The following CUX1 variants were observed in gnomAD, a reference collection of about 807,000 sequenced individuals.
CUX1 encodes cut like homeobox 1, also known as protein CASP.
Under a neutral mutation model 158.8 loss-of-function variants are expected in CUX1, and 31 were observed. The ratio of observed to expected loss-of-function variants is 0.20; its 90% CI spans 0.15 to 0.26. CUX1 has a LOEUF of 0.26. Among genes scored for constraint, CUX1 ranks in the 10% least tolerant of loss-of-function variants. The pLI is 1.00. For synonymous variants in CUX1, 879 were observed against 862.1 expected, an observed-to-expected ratio of 1.02 and a Z score of -0.34; for missense variants, 1,589 against 2,014.6, an observed-to-expected ratio of 0.79 and a Z score of 4.04.
intron 3 of CUX1, among the ~76,000 whole-genome samples, chr7:102,053,101 C>T (rs1464035077): frequency 1.3e-5 from 2 of 152,176 alleles, no homozygotes; most frequent in African/African-American, 4.8e-5. Context: ...TGAGCCACCG[C>T]AGCCGGCCCC....
In CUX1 at chr7:102,239,524, A is replaced by C. The variant is rs782272136; in HGVS notation, c.3827A>C (p.Asp1276Ala). 2 of 1,613,848 alleles carry C rather than the reference A, an allele frequency of 1.2e-6. No individual in the cohort carries two copies. The highest frequency in any genetic ancestry group is 8.5e-7 in the Non-Finnish European group (1 of 1,179,916). ...KPYPSPKTIE[D>A]LATQLNLKTS... ...TACCCGTCACCAAAAACCATCGAAG[A>C]CCTCGCCACCCAGCTCAACCTGAAA... The change falls in exon 23 of 24, where the codon GAC becomes GCC. Residue 1276 changes from aspartate (D) to alanine (A), a missense_variant. By Grantham distance (126) the Asp-to-Ala change is moderately radical. Transcript: ENST00000292535.
intron 11 of CUX1, among the ~76,000 whole-genome samples, chr7:102,185,282 C>G (rs1004275245): frequency 2.0e-5 from 3 of 152,222 alleles, no homozygotes; most frequent in African/African-American, 7.2e-5. Context: ...CCACACTGTA[C>G]TAAGCTCTAA....
At chr7:101,989,237 G>C (rs1284717664) in intron 2 of CUX1, among the ~76,000 whole-genome samples, 1 of 152,136 alleles carries the variant, frequency 6.6e-6, no homozygotes, top group Non-Finnish European at 1.5e-5. Flanking sequence ...CCCAGCTGCA[G>C]AACCGGAGAC....
intron 2 of CUX1, among the ~76,000 whole-genome samples, chr7:102,016,475 G>A (rs12234278): frequency 0.21 from 32,054 of 152,168 alleles, 3,846 homozygotes; most frequent in East Asian, 0.6. Context: ...ATAAATGGAA[G>A]TCACGTGCCT....
chr7:102,238,009 G>A (rs1799766450), intron 22 of CUX1, among the ~76,000 whole-genome samples: 1 of 152,178 alleles, frequency 6.6e-6, no homozygotes, highest in Non-Finnish European at 1.5e-5. Flanking sequence ...TCACTAATTT[G>A]CTACTGCTAT....
At chr7:102,139,244 T>TAAAAAA (rs11459794) in intron 8 of CUX1, among the ~76,000 whole-genome samples, 1 of 93,142 alleles carries the variant, frequency 1.1e-5, no homozygotes, top group African/African-American at 4.4e-5. Context: ...GACTACATCT[T>TAAAAAA]AAAAAAAAAA....
chr7:102,024,231 C>T (rs1012103902), intron 2 of CUX1, among the ~76,000 whole-genome samples: 2 of 152,244 alleles, frequency 1.3e-5, no homozygotes, highest in African/African-American at 4.8e-5. Flanking sequence ...CATTTCTCTG[C>T]TACAGTCTGA....
At position 102,248,356 on chromosome 7, in the gene CUX1, G is replaced by C; in HGVS notation, c.3888-56G>C. On this transcript the variant is annotated intron_variant, in intron 23 of 23. Transcript: ENST00000292535. The surrounding 1 kb of genome is among the most constrained non-coding windows in gnomAD (Gnocchi z 5.8). ...GAGGGGTCTGGCTGGGGTAGCACCA[G>C]AGGCCCTTTCCCCAGCAGCACCCCC... 1 of 1,474,218 alleles carries C rather than the reference G, an allele frequency of 6.8e-7. No individual in the cohort carries two copies. The highest frequency in any genetic ancestry group is 9.1e-7 in the Non-Finnish European group (1 of 1,097,088). The allele number at this position is 1,474,218 out of a possible 1,614,324, so 91.3% of individuals were successfully genotyped here. A position where few individuals can be genotyped will look rare whatever the true frequency, so the allele number is the denominator to read the frequency against.
intron 1 of CUX1, among the ~76,000 whole-genome samples, chr7:101,866,694 C>T (rs894431570): frequency 1.3e-5 from 2 of 152,008 alleles, no homozygotes; most frequent in Non-Finnish European, 2.9e-5. Flanking sequence ...GATCATTCAC[C>T]GTTGAGACAA....
At chr7:102,028,226 CG>C in intron 3 of CUX1, 81 bp downstream of exon 3, 1 of 1,474,278 alleles carries the variant, frequency 6.8e-7, no homozygotes. Flanking sequence ...AGAAATGCTC[CG>C]GGCAAAAGGT....
chr7:101,827,295 T>TTCTCTTCTCTTCTCTTCTCTTCTC (rs1562893412), intron 1 of CUX1, among the ~76,000 whole-genome samples: 16 of 46,858 alleles, frequency 3.4e-4, no homozygotes, highest in East Asian at 2.8e-3. Flanking sequence ...CTTCTCTTCT[T>TTCTCTTCTCTTCTCTTCTCTTCTC]TTCTTTTCTT....
intron 3 of CUX1, among the ~76,000 whole-genome samples, chr7:102,069,469 C>T (rs1371444137): frequency 6.6e-6 from 1 of 152,186 alleles, no homozygotes. Context: ...AACACATAGG[C>T]CAGACGCAGT....
intron 4 of CUX1, among the ~76,000 whole-genome samples, chr7:102,071,907 A>C (rs1486269961): frequency 6.6e-6 from 1 of 152,238 alleles, no homozygotes; most frequent in African/African-American, 2.4e-5. Context: ...GCTTTGTTCT[A>C]AACTTTTGCT....
At chr7:102,129,032 T>A (rs1248818358) in intron 8 of CUX1, among the ~76,000 whole-genome samples, 1 of 151,876 alleles carries the variant, frequency 6.6e-6, no homozygotes, top group East Asian at 1.9e-4. Context: ...CTATAAAGGG[T>A]GGCTGACATT....
intron 1 of CUX1, among the ~76,000 whole-genome samples, chr7:101,827,194 C>T (rs1376645857): frequency 2.0e-5 from 3 of 151,996 alleles, no homozygotes; most frequent in African/African-American, 7.3e-5. Flanking sequence ...TCCCCCTACC[C>T]CACCTGCACA....
At chr7:101,968,542 C>T (rs1433547476) in intron 2 of CUX1, among the ~76,000 whole-genome samples, 1 of 152,292 alleles carries the variant, frequency 6.6e-6, no homozygotes, top group Non-Finnish European at 1.5e-5. Flanking sequence ...CCTGCCTTAG[C>T]CTCCTGAGTA....
intron 1 of CUX1, among the ~76,000 whole-genome samples, chr7:101,881,199 C>T (rs1174697392): frequency 6.6e-6 from 1 of 152,200 alleles, no homozygotes; most frequent in Non-Finnish European, 1.5e-5. Flanking sequence ...GTCTGTCTCG[C>T]TCACCGTAAT....
intron 1 of CUX1, among the ~76,000 whole-genome samples, chr7:101,836,684 C>CAA (rs71755816): frequency 0.05 from 3,862 of 77,336 alleles, 163 homozygotes; most frequent in Non-Finnish European, 0.073. Context: ...GACTCCTTCT[C>CAA]AAAAAAAAAA....
chr7:102,046,380 G>T (rs1341905048), intron 3 of CUX1, among the ~76,000 whole-genome samples: 9 of 151,634 alleles, frequency 5.9e-5, no homozygotes, highest in Admixed American at 6.6e-5. Context: ...TTACAGGCAC[G>T]CACCACCACA....
Sources: allele counts gnomAD v4.1 joint callset (sites outside exome capture counted in the v4.1 genomes callset), GRCh38; gene constraint gnomAD v4.1.1; non-coding constraint Gnocchi (gnomAD v3.1); transcripts MANE v1.5; gene names NCBI Gene and HGNC (gene_info 2026-07-23, HGNC 2026-07-21).